The following FNDC3A variants were observed in gnomAD, a reference collection of about 807,000 sequenced individuals.
FNDC3A encodes the protein fibronectin type-III domain-containing protein 3A.
FNDC3A carries 32 observed loss-of-function variants against 148.9 expected under a neutral mutation model. The observed-to-expected ratio is 0.21, with a 90% confidence interval of 0.16 to 0.29. The LOEUF (loss-of-function observed/expected upper bound fraction) is 0.29. Among genes scored for constraint, FNDC3A ranks in the 10% least tolerant of loss-of-function variants. The probability of loss-of-function intolerance (pLI) is 1.00; values close to 1 mark genes in which losing one functional copy is unlikely to be tolerated. For synonymous variants in FNDC3A, 472 were observed against 473.6 expected, an observed-to-expected ratio of 1.00 and a Z score of 0.04; for missense variants, 1,191 against 1,452.8, an observed-to-expected ratio of 0.82 and a Z score of 2.93.
chr13:49,110,238 T>A, intron 3 of FNDC3A: 1 of 918,990 alleles, frequency 1.1e-6, no homozygotes, highest in South Asian at 2.3e-5. Context: ...CCTGGGTCAC[T>A]GCAGGTCACG....
intron 3 of FNDC3A, among the ~76,000 whole-genome samples, chr13:49,086,224 T>C (rs1379447119): frequency 6.6e-6 from 1 of 152,252 alleles, no homozygotes; most frequent in Non-Finnish European, 1.5e-5. Flanking sequence ...CTGCTGGCTC[T>C]TCACTTGATG....
intron 3 of FNDC3A, among the ~76,000 whole-genome samples, chr13:49,085,175 C>T (rs1161280665): frequency 6.6e-6 from 1 of 152,094 alleles, no homozygotes; most frequent in Non-Finnish European, 1.5e-5. Context: ...TCAGCTTTTT[C>T]AAATACCTGC....
rs1204371157 is a variant in FNDC3A, at chr13:49,169,108, C to T, written c.1176+357C>T. Among the ~76,000 whole-genome samples the T allele has an allele frequency of 2.6e-5, 4 of 152,102 alleles. No individual in the cohort carries two copies. The East Asian group carries it at 7.7e-4, about 29-fold the overall frequency. ...AAATTAGATTTATAATAACTATACT[C>T]ATAAATCAATATGCTGCCTAAAAGG... On this transcript the variant is annotated intron_variant, in intron 10 of 25. Coordinates refer to ENST00000492622, the MANE Select transcript of FNDC3A (RefSeq NM_001079673.2).
intron 2 of FNDC3A, among the ~76,000 whole-genome samples, chr13:49,013,375 T>C (rs902413761): frequency 6.6e-6 from 1 of 152,120 alleles, no homozygotes; most frequent in Non-Finnish European, 1.5e-5. Context: ...TGTCATAATT[T>C]ACATTAATTT....
intron 2 of FNDC3A, among the ~76,000 whole-genome samples, chr13:49,016,288 A>T (rs942102497): frequency 6.6e-6 from 1 of 152,044 alleles, no homozygotes; most frequent in East Asian, 1.9e-4. Flanking sequence ...AGCTCCTGTT[A>T]TTGGTCTATT....
chr13:49,087,199 T>A (rs535390449), intron 3 of FNDC3A, among the ~76,000 whole-genome samples: 2 of 152,210 alleles, frequency 1.3e-5, no homozygotes, highest in African/African-American at 4.8e-5. Context: ...GCTATTAAAA[T>A]AAGCAACAAA....
intron 8 of FNDC3A, among the ~76,000 whole-genome samples, chr13:49,157,555 T>A (rs969530440): frequency 1.3e-5 from 2 of 150,822 alleles, no homozygotes; most frequent in African/African-American, 4.9e-5. Flanking sequence ...TTTGTTCCGT[T>A]GCTGGTGAGG....
intron 3 of FNDC3A, chr13:49,110,359 T>C: frequency 6.2e-7 from 1 of 1,612,178 alleles, no homozygotes; most frequent in Non-Finnish European, 8.5e-7. Context: ...GCTGTTTCCT[T>C]GTTGGATTTT....
At chr13:49,061,380 T>C (rs1593532395) in intron 2 of FNDC3A, among the ~76,000 whole-genome samples, 1 of 17,022 alleles carries the variant, frequency 5.9e-5, no homozygotes, top group Non-Finnish European at 9.6e-5. Context: ...TTCCCTTCCC[T>C]TCCCTTCCCT....
intron 16 of FNDC3A, 94 bp from the exon 17 acceptor site, chr13:49,188,417 ATACT>A (rs1437355134): frequency 2.2e-5 from 16 of 725,790 alleles, no homozygotes; most frequent in Admixed American, 1.9e-4. Flanking sequence ...AATTACACAA[ATACT>A]TACTTTGTGA....
chr13:49,206,338 C>T (rs1886641187), intron 25 of FNDC3A, among the ~76,000 whole-genome samples: 1 of 17,066 alleles, frequency 5.9e-5, no homozygotes, highest in African/African-American at 2.0e-4. Flanking sequence ...TATATAGCTT[C>T]TTATTTATGC....
rs1886251843 is a variant in FNDC3A, at chr13:49,198,247, A to G, written c.2756A>G (p.Gln919Arg). 1 of 1,613,780 alleles carries G rather than the reference A, an allele frequency of 6.2e-7. No homozygotes were observed. The highest frequency in any genetic ancestry group is 8.5e-7 in the Non-Finnish European group (1 of 1,179,866). The change falls in exon 22 of 26, where the codon CAA becomes CGA. Residue 919 changes from glutamine (Q) to arginine (R), a missense_variant. Physicochemically the swap from Gln to Arg is conservative, Grantham distance 43. Around this residue, in one of 3 missense-constraint regions of FNDC3A, gnomAD observed 751 missense variants for 944.0 expected, o/e 0.80. Transcript: ENST00000492622. Reference protein sequence around the residue: ...KVTSYIINNLQPDTTYRIRIQ... With the variant: ...KVTSYIINNLRPDTTYRIRIQ... ...ACAAGCTATATTATCAACAATTTGC[A>G]ACCAGATACAACATACAGGTATACT...
chr13:49,010,058 G>A (rs564692372), intron 2 of FNDC3A, among the ~76,000 whole-genome samples: 2 of 152,222 alleles, frequency 1.3e-5, no homozygotes, highest in Non-Finnish European at 2.9e-5. Context: ...AGAAGGGGAC[G>A]TATCATGTCA....
At chr13:49,041,722 A>G (rs1398347474) in intron 2 of FNDC3A, among the ~76,000 whole-genome samples, 1 of 150,058 alleles carries the variant, frequency 6.7e-6, no homozygotes, top group East Asian at 2.0e-4. Context: ...AAGGCAGGAG[A>G]TTTGCTTGAA....
chr13:49,053,085 C>G (rs949822601), intron 2 of FNDC3A, among the ~76,000 whole-genome samples: 3 of 152,216 alleles, frequency 2.0e-5, no homozygotes, highest in African/African-American at 7.2e-5. Flanking sequence ...AACTCCCCAA[C>G]AGCACCGAGT....
intron 1 of FNDC3A, among the ~76,000 whole-genome samples, chr13:48,993,389 C>T (rs968491755): frequency 6.6e-5 from 10 of 152,114 alleles, no homozygotes; most frequent in Admixed American, 2.0e-4. Context: ...TTTTAATAAT[C>T]CCTGCAGGTC....
chr13:49,024,220 T>G (rs1024012189), intron 2 of FNDC3A, among the ~76,000 whole-genome samples: 3 of 151,934 alleles, frequency 2.0e-5, no homozygotes, highest in Admixed American at 2.0e-4. Context: ...AGTAATGAGA[T>G]TGAATTTTTA....
intron 3 of FNDC3A, among the ~76,000 whole-genome samples, chr13:49,098,043 A>G (rs11618890): frequency 0.019 from 2,836 of 152,236 alleles, 37 homozygotes; most frequent in Middle Eastern, 0.051. Context: ...CTTTTTACAG[A>G]TAATTCAGAT....
rs144439368 is a variant in FNDC3A, at chr13:49,198,081, G to A, written c.2590G>A (p.Asp864Asn). Residue 864 changes from aspartate to asparagine, a missense_variant, in exon 22 of 26, where the codon GAT becomes AAT. Physicochemically the swap from Asp to Asn is conservative, Grantham distance 23. This residue lies in a region of FNDC3A where 751 missense variants were observed against 944.0 expected (regional missense o/e 0.80). Transcript: ENST00000492622. ...TGTGACCTGTCTTCAAGAAATAAGCGATGATGAGATAGAAAATCCCCATTA... is the reference window on the plus strand; with the variant it reads ...TGTGACCTGTCTTCAAGAAATAAGCAATGATGAGATAGAAAATCCCCATTA... ...GIVTCLQEIS[D>N]DEIENPHYSP... 122 of 1,613,990 alleles carry A rather than the reference G, an allele frequency of 7.6e-5. 1 individual carries two copies. Among genetic ancestry groups the A allele is most frequent in the Admixed American group, 1.5e-4 (9 of 59,988 alleles).
Sources: allele counts gnomAD v4.1 joint callset (sites outside exome capture counted in the v4.1 genomes callset), GRCh38; gene constraint gnomAD v4.1.1; regional missense constraint gnomAD v4.1.1; transcripts MANE v1.5; gene names NCBI Gene and HGNC (gene_info 2026-07-23, HGNC 2026-07-21).